SPECC1: variants seen among roughly 807,000 people sequenced by gnomAD.
The protein encoded by SPECC1 is sperm antigen with calponin homology and coiled-coil domains 1.
SPECC1 carries 62 observed loss-of-function variants against 104.1 expected under a neutral mutation model. The ratio of observed to expected loss-of-function variants is 0.60; its 90% CI spans 0.49 to 0.74. The LOEUF is 0.74. Ranked by LOEUF, SPECC1 falls within the 30% of genes least tolerant of loss-of-function variation. SPECC1 has a pLI of 0.00. For synonymous variants in SPECC1, 513 were observed against 501.6 expected (o/e 1.02, Z -0.30); for missense variants, 1,306 against 1,310.5 (o/e 1.00, Z 0.05).
intron 14 of SPECC1, 187 bp downstream of exon 14, chr17:20,306,269 T>C (rs1330498936): frequency 6.8e-5 from 36 of 527,672 alleles, no homozygotes; most frequent in Non-Finnish European, 1.1e-4. Context: ...AGATTTTCAA[T>C]CGCATAAGAT....
rs548300449 is a variant in SPECC1, at chr17:20,279,323, C to CTT, written c.2941-17625_2941-17624dup. 9.1e-3 allele frequency among the ~76,000 whole-genome samples: 1,036 copies of CTT among 113,720 alleles called. 24 individuals are homozygous for CTT. Among genetic ancestry groups the CTT allele is most frequent in the East Asian group, 0.079 (311 of 3,954 alleles). 74.6% of individuals were successfully genotyped at this position (113,720 alleles called of 152,430 possible). On this transcript the variant is annotated intron_variant, in intron 12 of 14. Transcript: ENST00000395527. Reference sequence around the variant, plus strand: ...TACTTTTCTTTCTTTTTTTTTTTTTCTTTTTTTTTTTTTTCTGAGATGGAG... The same window carrying CTT: ...TACTTTTCTTTCTTTTTTTTTTTTTCTTTTTTTTTTTTTTTTCTGAGATGGAG...
At chr17:20,302,820 C>T (rs2041632235) in intron 13 of SPECC1, among the ~76,000 whole-genome samples, 1 of 144,618 alleles carries the variant, frequency 6.9e-6, no homozygotes, top group Non-Finnish European at 1.5e-5. Context: ...TACTCCAGAG[C>T]CTGAGGCTGG....
At chr17:20,065,733 C>G (rs185275076) in intron 1 of SPECC1, among the ~76,000 whole-genome samples, 21 of 152,316 alleles carry the variant, frequency 1.4e-4, no homozygotes, top group African/African-American at 4.6e-4. Context: ...TTTTCTTGGT[C>G]TCTCTGTGTA....
chr17:20,296,818 C>T, intron 12 of SPECC1, 143 bp from the exon 13 acceptor site: 1 of 604,342 alleles, frequency 1.7e-6, no homozygotes, highest in Admixed American at 3.0e-5. Context: ...ATTCGGCTCT[C>T]TGTCTGTTAT....
chr17:20,206,306 G>T (rs926756347), intron 4 of SPECC1, among the ~76,000 whole-genome samples: 1 of 152,192 alleles, frequency 6.6e-6, no homozygotes, highest in Non-Finnish European at 1.5e-5. Flanking sequence ...AAGATTGAGT[G>T]GGAGTTTGCC....
chr17:20,230,222 T>G (rs1328879097), intron 5 of SPECC1, among the ~76,000 whole-genome samples: 1 of 152,190 alleles, frequency 6.6e-6, no homozygotes, highest in Non-Finnish European at 1.5e-5. Context: ...GAGACAATAG[T>G]TCGGTGTTTG....
chr17:20,206,729 G>T, intron 4 of SPECC1, among the ~76,000 whole-genome samples: 1 of 151,904 alleles, frequency 6.6e-6, no homozygotes, highest in African/African-American at 2.4e-5. Flanking sequence ...ATGACTTACC[G>T]AGTCAAAGAG....
chr17:20,270,482 G>A (rs889975531), intron 12 of SPECC1, among the ~76,000 whole-genome samples: 4 of 130,788 alleles, frequency 3.1e-5, no homozygotes, highest in South Asian at 2.6e-4. Context: ...AGCCGGCTAC[G>A]ATGGTGTACA....
In SPECC1 at chr17:20,084,573, C is replaced by A. The variant is rs572873495; in HGVS notation, c.-21-12058C>A. 2.3e-4 allele frequency among the ~76,000 whole-genome samples: 35 copies of A among 152,304 alleles called. 1 individual carries two copies. The highest frequency in any genetic ancestry group is 3.4e-3 in the Middle Eastern group (1 of 294). ...ATGGCTTGTCTTTTCATTTTGTTGACAATGTCTTTTGAAGACCATAAGTTT... is the reference window on the plus strand; with the variant it reads ...ATGGCTTGTCTTTTCATTTTGTTGAAAATGTCTTTTGAAGACCATAAGTTT... On this transcript the variant is annotated intron_variant, in intron 1 of 14. Coordinates refer to ENST00000395527, the MANE Select transcript of SPECC1 (RefSeq NM_001243439.2).
intron 3 of SPECC1, among the ~76,000 whole-genome samples, chr17:20,183,425 G>A (rs533608155): frequency 5.3e-5 from 8 of 152,158 alleles, no homozygotes; most frequent in African/African-American, 1.9e-4. Context: ...GCTAATTGCA[G>A]TACTTTTTTT....
chr17:20,080,114 G>A (rs993578893), intron 1 of SPECC1, among the ~76,000 whole-genome samples: 5 of 152,098 alleles, frequency 3.3e-5, no homozygotes, highest in Admixed American at 6.6e-5. Context: ...GGACTTAACC[G>A]CAAGTGAGAA....
At chr17:20,107,165 A>AAAAAAAAAAAAAAAAAAC (rs2048258530) in intron 2 of SPECC1, among the ~76,000 whole-genome samples, 1 of 148,708 alleles carries the variant, frequency 6.7e-6, no homozygotes, top group African/African-American at 2.5e-5. Context: ...AAAAAAAAAA[A>AAAAAAAAAAAAAAAAAAC]AAAAGAAAAG....
At chr17:20,210,240 G>A (rs548807550) in intron 4 of SPECC1, among the ~76,000 whole-genome samples, 17 of 152,250 alleles carry the variant, frequency 1.1e-4, no homozygotes, top group Non-Finnish European at 1.6e-4. Context: ...TGGGTTGGAA[G>A]TGTATCCAGG....
intron 3 of SPECC1, among the ~76,000 whole-genome samples, chr17:20,158,061 C>CA (rs1184477669): frequency 1.3e-5 from 2 of 152,172 alleles, no homozygotes; most frequent in Non-Finnish European, 2.9e-5. Context: ...TAGAGTTCAT[C>CA]ACTGAGATCC....
At chr17:20,110,381 T>C in intron 2 of SPECC1, 46 bp from the exon 3 acceptor site, 2 of 1,565,542 alleles carry the variant, frequency 1.3e-6, no homozygotes, top group South Asian at 2.4e-5. Context: ...CGCTCCTTCC[T>C]GAAAACCACC....
intron 4 of SPECC1, among the ~76,000 whole-genome samples, chr17:20,206,500 T>G (rs1281990507): frequency 6.6e-6 from 1 of 152,224 alleles, no homozygotes; most frequent in Non-Finnish European, 1.5e-5. Context: ...ATTTGACATT[T>G]TAGAAATATT....
intron 3 of SPECC1, among the ~76,000 whole-genome samples, chr17:20,163,877 A>G (rs543790585): frequency 6.6e-6 from 1 of 152,140 alleles, no homozygotes; most frequent in African/African-American, 2.4e-5. Context: ...TTCTCTCTTT[A>G]TATGTGTGTA....
chr17:20,260,405 C>A, intron 12 of SPECC1, 111 bp downstream of exon 12: 2 of 868,632 alleles, frequency 2.3e-6, no homozygotes, highest in Non-Finnish European at 3.5e-6. Context: ...ATGTAATTGT[C>A]ATCTTTCTAT....
chr17:20,093,714 G>T (rs141158269), intron 1 of SPECC1, among the ~76,000 whole-genome samples: 1 of 103,150 alleles, frequency 9.7e-6, no homozygotes, highest in South Asian at 2.6e-4. Context: ...TTTTGTTTTT[G>T]TTTTTGTTTT....
Sources: gnomAD v4.1 joint callset for allele counts (sites outside exome capture counted in the v4.1 genomes callset) on GRCh38, gnomAD v4.1.1 for gene constraint, MANE v1.5 for transcripts, NCBI Gene and HGNC (gene_info 2026-07-23, HGNC 2026-07-21) for gene names.